PSMA1: variants seen among roughly 807,000 people sequenced by gnomAD.
The protein encoded by PSMA1 is proteasome subunit alpha type-1.
A neutral mutation model predicts 38.4 loss-of-function variants in PSMA1; 3 were observed. The ratio of observed to expected loss-of-function variants is 0.08; its 90% CI spans 0.04 to 0.20. PSMA1 has a LOEUF of 0.20. Ranked by LOEUF, PSMA1 falls within the 10% of genes least tolerant of loss-of-function variation. The probability of loss-of-function intolerance (pLI) is 1.00; values close to 1 mark genes in which losing one functional copy is unlikely to be tolerated. For synonymous variants in PSMA1, 101 were observed against 107.1 expected (o/e 0.94, Z 0.35); for missense variants, 227 against 325.3 (o/e 0.70, Z 2.32).
At chr11:14,550,341 T>C (rs1423860025) in intron 2 of PSMA1, among the ~76,000 whole-genome samples, 3 of 152,184 alleles carry the variant, frequency 2.0e-5, no homozygotes, top group Admixed American at 2.0e-4. Flanking sequence ...CCCAACCCAG[T>C]TGAAGTGATC....
chr11:14,558,759 G>A (rs1851971274), intron 2 of PSMA1, among the ~76,000 whole-genome samples: 1 of 152,206 alleles, frequency 6.6e-6, no homozygotes. Flanking sequence ...ACTGGGAGGG[G>A]GCTAGGTTGT....
upstream of PSMA1, among the ~76,000 whole-genome samples, chr11:14,523,000 G>C (rs1851545716): frequency 6.6e-6 from 1 of 152,162 alleles, no homozygotes; most frequent in African/African-American, 2.4e-5. Context: ...ATGAGTGATA[G>C]ATCTATCACT....
intron 1 of PSMA1, among the ~76,000 whole-genome samples, chr11:14,643,151 C>T (rs894996884): frequency 1.3e-5 from 2 of 151,278 alleles, no homozygotes; most frequent in Non-Finnish European, 3.0e-5. Context: ...CACGTTCCTC[C>T]CTAAGAGCCA....
rs1204503851 is a variant in PSMA1, at chr11:14,629,080, T to G, written c.-166+14375A>C. On this transcript the variant is annotated intron_variant, in intron 1 of 10. Coordinates refer to the PSMA1 transcript ENST00000418988. ...TTCTGGATATTAGCCCTTTGTCAGA[T>G]GAGTAGGTTGCGAAAATTTTCTCCC... is the stretch of plus-strand genomic sequence containing the variant. Among the ~76,000 whole-genome samples, 836 of 152,176 alleles carry G rather than the reference T, an allele frequency of 5.5e-3. 8 individuals carry two copies. The highest frequency in any genetic ancestry group is 0.019 in the African/African-American group (801 of 41,524).
chr11:14,634,868 T>G (rs546875038), intron 1 of PSMA1, among the ~76,000 whole-genome samples: 1 of 152,208 alleles, frequency 6.6e-6, no homozygotes, highest in South Asian at 2.1e-4. Flanking sequence ...ACTGTGTACC[T>G]CTGGAAGAGT....
At chr11:14,635,970 C>A (rs946277550) in intron 1 of PSMA1, among the ~76,000 whole-genome samples, 3 of 152,026 alleles carry the variant, frequency 2.0e-5, no homozygotes, top group African/African-American at 7.2e-5. Context: ...AGGTAGTATA[C>A]CATTAAGGGG....
intron 2 of PSMA1, among the ~76,000 whole-genome samples, chr11:14,562,749 C>T (rs370832526): frequency 8.6e-5 from 13 of 152,044 alleles, no homozygotes; most frequent in South Asian, 8.3e-4. Context: ...CCCAGCCTCC[C>T]GAGTAGCCCG....
At chr11:14,628,111 AG>A (rs1210155202) in intron 1 of PSMA1, among the ~76,000 whole-genome samples, 1 of 152,196 alleles carries the variant, frequency 6.6e-6, no homozygotes, top group Non-Finnish European at 1.5e-5. Flanking sequence ...TGCGCATGCA[AG>A]GGATCTAGGT....
chr11:14,567,833 A>C (rs867260135), intron 2 of PSMA1, among the ~76,000 whole-genome samples: 3 of 152,292 alleles, frequency 2.0e-5, no homozygotes, highest in Middle Eastern at 3.4e-3. Context: ...ATAGCGTTGC[A>C]GTGCTGTCTG....
intron 9 of PSMA1, 92 bp from the exon 10 acceptor site, chr11:14,505,340 GA>G: frequency 2.8e-6 from 3 of 1,053,308 alleles, no homozygotes; most frequent in Middle Eastern, 2.2e-4. Flanking sequence ...TAAAAATTGA[GA>G]AAAAGGGGTA....
chr11:14,607,597 C>T (rs551516368), intron 2 of PSMA1, among the ~76,000 whole-genome samples: 152 of 152,086 alleles, frequency 1.0e-3, no homozygotes, highest in African/African-American at 3.2e-3. Context: ...GAGAAGCAGA[C>T]GCCAAGAAAG....
At chr11:14,597,530 G>A (rs549264097) in intron 2 of PSMA1, among the ~76,000 whole-genome samples, 70 of 152,248 alleles carry the variant, frequency 4.6e-4, no homozygotes, top group African/African-American at 1.6e-3. Flanking sequence ...GTTTATTTGC[G>A]TAGAGGTGTT....
chr11:14,545,953 G>A (rs1006341266), intron 2 of PSMA1, among the ~76,000 whole-genome samples: 8 of 152,166 alleles, frequency 5.3e-5, no homozygotes, highest in Non-Finnish European at 1.0e-4. Context: ...AGAGGTCAGT[G>A]AAAATAATGT....
chr11:14,520,117 C>T, intron 1 of PSMA1, 180 bp downstream of exon 1: 1 of 957,436 alleles, frequency 1.0e-6, no homozygotes, highest in Non-Finnish European at 1.6e-6. Flanking sequence ...CACTGGCTAC[C>T]GATAACCCCT....
chr11:14,551,916 T>C (rs1197390678), intron 2 of PSMA1, among the ~76,000 whole-genome samples: 1 of 152,260 alleles, frequency 6.6e-6, no homozygotes, highest in Non-Finnish European at 1.5e-5. Flanking sequence ...TTATCCTCTC[T>C]ATATTTTCCT....
chr11:14,592,219 C>T (rs944704475), intron 2 of PSMA1, among the ~76,000 whole-genome samples: 5 of 152,086 alleles, frequency 3.3e-5, no homozygotes, highest in African/African-American at 4.8e-5. Flanking sequence ...CGAGGGTCCG[C>T]GGCTTCATTC....
intron 2 of PSMA1, among the ~76,000 whole-genome samples, chr11:14,536,712 T>C (rs933776598): frequency 1.3e-5 from 2 of 151,942 alleles, no homozygotes; most frequent in African/African-American, 2.4e-5. Flanking sequence ...CCTGAGTTCA[T>C]GCCATTCTCC....
At chr11:14,582,844 A>T (rs1387471707) in intron 2 of PSMA1, among the ~76,000 whole-genome samples, 1 of 152,132 alleles carries the variant, frequency 6.6e-6, no homozygotes, top group Non-Finnish European at 1.5e-5. Context: ...TACACTTCTT[A>T]ATAGCAGATT....
chr11:14,507,999 T>C (rs1851274461), intron 8 of PSMA1, among the ~76,000 whole-genome samples: 1 of 152,210 alleles, frequency 6.6e-6, no homozygotes, highest in South Asian at 2.1e-4. Context: ...AGATCTATGT[T>C]ATCTAGAAAC....
Sources: allele counts gnomAD v4.1 joint callset (sites outside exome capture counted in the v4.1 genomes callset), GRCh38; gene constraint gnomAD v4.1.1; transcripts MANE v1.5; gene names NCBI Gene and HGNC (gene_info 2026-07-23, HGNC 2026-07-21).